ARMC2: variants seen among roughly 807,000 people sequenced by gnomAD.
ARMC2 encodes armadillo repeat-containing protein 2.
Under a neutral mutation model 90.3 loss-of-function variants are expected in ARMC2, and 67 were observed. The observed-to-expected ratio is 0.74, with a 90% CI of 0.61 to 0.91. ARMC2 has a LOEUF of 0.91. Ranked by LOEUF, ARMC2 falls within the 40% of genes least tolerant of loss-of-function variation. ARMC2 has a pLI of 0.00. For synonymous variants in ARMC2, 393 were observed against 393.0 expected, an observed-to-expected ratio of 1.00 and a Z score of 0.00; for missense variants, 920 against 1,030.9, an observed-to-expected ratio of 0.89 and a Z score of 1.47.
At chr6:108,876,456 A>G in intron 5 of ARMC2, 106 bp downstream of exon 5, 2 of 1,164,834 alleles carry the variant, frequency 1.7e-6, no homozygotes, top group Non-Finnish European at 2.4e-6. Flanking sequence ...CTTTTATGTA[A>G]GCAAATTTTA....
At chr6:108,976,211 C>T (rs993544602), downstream of ARMC2, among the ~76,000 whole-genome samples, 1 of 152,182 alleles carries the variant, frequency 6.6e-6, no homozygotes, top group Non-Finnish European at 1.5e-5. Context: ...CCAGTTTCAG[C>T]TTTCTGCATA....
At chr6:108,908,623 C>G (rs1245569448) in intron 8 of ARMC2, among the ~76,000 whole-genome samples, 1 of 151,954 alleles carries the variant, frequency 6.6e-6, no homozygotes, top group Admixed American at 6.6e-5. Flanking sequence ...TGGCACATGC[C>G]TATAGTCCCA....
intron 1 of ARMC2, among the ~76,000 whole-genome samples, chr6:108,849,118 A>AT (rs1263165345): frequency 1.1e-4 from 16 of 152,230 alleles, no homozygotes; most frequent in African/African-American, 3.9e-4. Context: ...TCAATAAATA[A>AT]AAACGTATGT....
chr6:108,992,913 C>CCATT, the ARMC2 span: 1 of 1,548,954 alleles, frequency 6.5e-7, no homozygotes, highest in Non-Finnish European at 8.9e-7. Context: ...GGAAAAAAGG[C>CCATT]CATTGAAAGG....
the ARMC2 span, chr6:108,987,600 T>C: frequency 6.2e-7 from 1 of 1,602,612 alleles, no homozygotes; most frequent in Non-Finnish European, 8.5e-7. Context: ...GCTTGCATCC[T>C]AGCTTCTATA....
At position 108,886,377 on chromosome 6, in the gene ARMC2, G is replaced by A. The variant is rs571736079; in HGVS notation, c.672-8090G>A. Reference sequence around the variant, plus strand: ...GTTCGAGACCCGCTTGTCCAACATGGTGAAACCCCATCTCTACTAAAAATC... The same window carrying A: ...GTTCGAGACCCGCTTGTCCAACATGATGAAACCCCATCTCTACTAAAAATC... On this transcript the variant is annotated intron_variant, in intron 5 of 17. Coordinates refer to ENST00000392644, the MANE Select transcript of ARMC2 (RefSeq NM_032131.6). Among the ~76,000 whole-genome samples, 111 of 152,298 alleles carry A rather than the reference G, an allele frequency of 7.3e-4. 2 individuals are homozygous for A. In the Middle Eastern group the frequency reaches 0.01, roughly 14 times the overall value.
chr6:108,900,262 G>A (rs150201175), intron 7 of ARMC2, among the ~76,000 whole-genome samples: 161 of 152,338 alleles, frequency 1.1e-3, no homozygotes, highest in African/African-American at 3.6e-3. Flanking sequence ...CGTCAGGAAT[G>A]CCACCCACAG....
chr6:108,957,632 C>T (rs1028582406), intron 13 of ARMC2, among the ~76,000 whole-genome samples: 2 of 152,288 alleles, frequency 1.3e-5, no homozygotes, highest in South Asian at 4.1e-4. Flanking sequence ...CTCTTTTCTT[C>T]CTACCTCCCT....
chr6:108,999,551 G>A, the ARMC2 span, among the ~76,000 whole-genome samples: 31 of 151,996 alleles, frequency 2.0e-4, no homozygotes, highest in African/African-American at 7.2e-4. Flanking sequence ...CATTTAAAAC[G>A]TAACATAAAG....
Position 108,953,217 on chromosome 6 carries a change from A to C in ARMC2, c.1781A>C (p.Gln594Pro), listed in dbSNP as rs1310435607. Residue 594 changes from glutamine (Q) to proline (P), a missense_variant, in exon 13 of 18, where the codon CAG (glutamine) becomes CCG (proline). Coordinates refer to ENST00000392644, the MANE Select transcript of ARMC2 (RefSeq NM_032131.6). The stretch of plus-strand genomic sequence containing the variant: ...CAACGAGGCGAGCAGCACAGGGCGC[A>C]GAGGCCGCCGTCAGAGGCAGAGGAC... Reference protein sequence around the residue: ...VGQRGEQHRAQRPPSEAEDVL... With the variant: ...VGQRGEQHRAPRPPSEAEDVL... 4 of 1,613,894 alleles carry C rather than the reference A, an allele frequency of 2.5e-6. No homozygotes were observed. The highest frequency in any genetic ancestry group is 1.7e-5 in the Admixed American group (1 of 60,014).
At chr6:109,027,916 G>C in the ARMC2 span, among the ~76,000 whole-genome samples, 2 of 151,826 alleles carry the variant, frequency 1.3e-5, no homozygotes, top group Non-Finnish European at 2.9e-5. Flanking sequence ...ATTTTTTATT[G>C]GGTTGGTTAT....
the ARMC2 span, among the ~76,000 whole-genome samples, chr6:109,041,364 G>A: frequency 1.3e-5 from 2 of 151,878 alleles, no homozygotes; most frequent in Non-Finnish European, 2.9e-5. Context: ...AATAGCAGAT[G>A]ACCTTTTGCT....
intron 5 of ARMC2, among the ~76,000 whole-genome samples, chr6:108,881,210 CCTTTCTTTT>C (rs1412234526): frequency 6.9e-6 from 1 of 144,716 alleles, no homozygotes; most frequent in African/African-American, 2.6e-5. Flanking sequence ...TTCTTTCTTT[CCTTTCTTTT>C]CTTTCTTTCT....
chr6:109,030,022 T>C, the ARMC2 span, among the ~76,000 whole-genome samples: 1 of 152,186 alleles, frequency 6.6e-6, no homozygotes, highest in African/African-American at 2.4e-5. Context: ...ATGTTAAGTA[T>C]CTCTGCACCC....
chr6:108,964,955 C>G, intron 16 of ARMC2, 25 bp from the exon 17 acceptor site: 1 of 1,552,708 alleles, frequency 6.4e-7, no homozygotes, highest in Non-Finnish European at 8.8e-7. Flanking sequence ...CTAATAACTT[C>G]TCAATTTGAA....
intron 6 of ARMC2, among the ~76,000 whole-genome samples, chr6:108,894,768 T>G (rs957302339): frequency 7.2e-6 from 1 of 139,414 alleles, no homozygotes; most frequent in African/African-American, 2.8e-5. Flanking sequence ...GTCTTTTTTT[T>G]TTTTTTTTTT....
intron 5 of ARMC2, among the ~76,000 whole-genome samples, chr6:108,892,814 T>C (rs1378398063): frequency 2.0e-5 from 3 of 149,892 alleles, no homozygotes; most frequent in African/African-American, 7.4e-5. Flanking sequence ...AAAAATGGTA[T>C]TTGGAGAAGC....
At chr6:108,976,657 T>C (rs1036527796), downstream of ARMC2, among the ~76,000 whole-genome samples, 3 of 152,306 alleles carry the variant, frequency 2.0e-5, no homozygotes, top group East Asian at 5.8e-4. Flanking sequence ...TTTTTTTAAT[T>C]TGTGTCCTCT....
intron 17 of ARMC2, among the ~76,000 whole-genome samples, chr6:108,972,649 G>A (rs1778836337): frequency 6.6e-6 from 1 of 152,092 alleles, no homozygotes; most frequent in African/African-American, 2.4e-5. Flanking sequence ...GTTGAAATAA[G>A]GGTTCAGTTC....
Sources: allele counts gnomAD v4.1 joint callset (sites outside exome capture counted in the v4.1 genomes callset), GRCh38; gene constraint gnomAD v4.1.1; transcripts MANE v1.5; gene names NCBI Gene and HGNC (gene_info 2026-07-23, HGNC 2026-07-21).